Variants in ERCC5 observed in about 807,000 individuals in gnomAD.
ERCC5 encodes the protein ERCC excision repair 5, endonuclease.
In ERCC5, 68 loss-of-function variants were observed where a neutral mutation model predicts 105.6. That is an observed-to-expected ratio of 0.64 (90% CI 0.53 to 0.79). The LOEUF is 0.79. Ranked by LOEUF, ERCC5 falls within the 30% of genes least tolerant of loss-of-function variation. The pLI, the probability that ERCC5 is intolerant of heterozygous loss-of-function variation, is 0.00. For missense variants in ERCC5, 1,373 were observed against 1,426.7 expected, an observed-to-expected ratio of 0.96 and a Z score of 0.61; for synonymous variants, 546 against 526.2, an observed-to-expected ratio of 1.04 and a Z score of -0.51.
chr13:102,862,038 G>A lies in ERCC5; in HGVS notation c.889G>A (p.Ala297Thr), dbSNP rs771815520. Residue 297 changes from alanine (A) to threonine (T), a missense_variant, in exon 8 of 15, where the codon GCT becomes ACT. Physicochemically the swap from Ala to Thr is moderately conservative, Grantham distance 58. Transcript: ENST00000652225. ...TTTTAATTCTTCTTAAGGTATTCAAGCTAAGACAGTTGCAGAAGTGGATTC... is the reference window on the plus strand; with the variant it reads ...TTTTAATTCTTCTTAAGGTATTCAAACTAAGACAGTTGCAGAAGTGGATTC... ...SHYILIKGIQAKTVAEVDSES... is the reference protein window; with the variant it reads ...SHYILIKGIQTKTVAEVDSES... 6.2e-7 allele frequency: 1 copy of A among 1,614,222 alleles called. No individual in the cohort carries two copies. The highest frequency in any genetic ancestry group is 1.7e-5 in the Admixed American group (1 of 60,034).
chr13:102,849,991 G>C (rs1026887425), intron 1 of ERCC5, among the ~76,000 whole-genome samples: 32 of 150,990 alleles, frequency 2.1e-4, no homozygotes, highest in African/African-American at 7.1e-4. Context: ...ACGCAGGCTC[G>C]AGTGCAGTGG....
rs774302762 is a variant in ERCC5, at chr13:102,863,027, T to C, written c.1878T>C (p.Ser626=). ...TCCAAGAACAGCAGACCACTGAATC[T>C]GCAGGCCAGGATTTAATTTCCATTC... ...ETIQEQQTTE[S]AGQDLISIPK... The change falls in exon 8 of 15, where the codon TCT becomes TCC. Residue 626 remains serine (S), a synonymous_variant. Coordinates refer to ENST00000652225, the MANE Select transcript of ERCC5 (RefSeq NM_000123.4). The C allele has an allele frequency of 3.7e-6, 6 of 1,614,192 alleles. No individual in the cohort carries two copies. Among genetic ancestry groups the C allele is most frequent in the Non-Finnish European group, 5.1e-6 (6 of 1,180,024 alleles).
rs1350885918 is a variant in ERCC5 at position 102,865,378 on chromosome 13, G to C, written c.1955-289G>C. The C allele has an allele frequency of 2.7e-6, 1 of 377,042 alleles. No individual in the cohort carries two copies. Among genetic ancestry groups the C allele is most frequent in the Non-Finnish European group, 5.0e-6 (1 of 199,048 alleles). The allele number at this position is 377,042 out of a possible 1,614,324, so 23.4% of individuals were successfully genotyped here. A position where few individuals can be genotyped will look rare whatever the true frequency, so the allele number is the denominator to read the frequency against. ...TTTTTGAATTTTTAAAACAATGTCA[G>C]TTAACTTAGAACATATTTATATAAA... On this transcript the variant is annotated intron_variant, in intron 8 of 14. Transcript: ENST00000652225. The surrounding 1 kb of genome is among the most constrained non-coding windows in gnomAD (Gnocchi z 4.0).
At chr13:102,861,384 A>G in intron 6 of ERCC5, 123 bp from the exon 7 acceptor site, 1 of 997,398 alleles carries the variant, frequency 1.0e-6, no homozygotes, top group Non-Finnish European at 1.5e-6. Flanking sequence ...TTATAATATG[A>G]AACTACCATC....
intron 6 of ERCC5, chr13:102,858,942 G>A: frequency 2.2e-6 from 1 of 456,072 alleles, no homozygotes; most frequent in South Asian, 1.5e-5. Flanking sequence ...CCCTAGAGAT[G>A]CCATTGGCTC....
At chr13:102,866,102 C>G (rs1882824998) in intron 9 of ERCC5, 160 bp from the exon 10 acceptor site, 1 of 1,452,092 alleles carries the variant, frequency 6.9e-7, no homozygotes, top group Admixed American at 1.8e-5. Flanking sequence ...AGTGATGAAT[C>G]TCTAAAGATA....
At chr13:102,872,444 G>T in intron 13 of ERCC5, 46 bp downstream of exon 13, 3 of 1,606,868 alleles carry the variant, frequency 1.9e-6, no homozygotes, top group Non-Finnish European at 2.6e-6. Flanking sequence ...TGTCAAATAT[G>T]TGTTTGGTTT....
intron 1 of ERCC5, among the ~76,000 whole-genome samples, chr13:102,851,320 G>C (rs918928335): frequency 6.6e-6 from 1 of 152,062 alleles, no homozygotes; most frequent in Non-Finnish European, 1.5e-5. Context: ...TTTTGAGACG[G>C]AGTCTTGCTC....
At chr13:102,858,138 A>G in intron 5 of ERCC5, 137 bp from the exon 6 acceptor site, 4 of 1,232,656 alleles carry the variant, frequency 3.2e-6, no homozygotes, top group Non-Finnish European at 4.6e-6. Context: ...GTCACAGATT[A>G]TATGCAACTG....
intron 1 of ERCC5, 87 bp from the exon 2 acceptor site, chr13:102,852,031 G>A (rs4150264): frequency 1.9e-5 from 27 of 1,446,626 alleles, no homozygotes; most frequent in African/African-American, 1.3e-4. Flanking sequence ...AGTGTTCAAC[G>A]TTTGGATAAT....
intron 14 of ERCC5, among the ~76,000 whole-genome samples, chr13:102,874,449 G>A (rs1235236089): frequency 6.6e-6 from 1 of 152,240 alleles, no homozygotes; most frequent in African/African-American, 2.4e-5. Flanking sequence ...AATTAGTTCA[G>A]TTTACTTGTT....
rs577494961 is a variant in ERCC5, at chr13:102,859,097, C to T, written c.672+679C>T. Among the ~76,000 whole-genome samples the T allele has an allele frequency of 7.2e-5, 11 of 152,238 alleles. No individual in the cohort carries two copies. In the South Asian group the frequency reaches 2.1e-3, roughly 29 times the overall value. ...GCAAATGTGTCTCCTGATCATGCTG[C>T]CATTGATACTTAATTCATGTTACTA... On this transcript the variant is annotated intron_variant, in intron 6 of 14. Coordinates refer to ENST00000652225, the MANE Select transcript of ERCC5 (RefSeq NM_000123.4).
intron 5 of ERCC5, among the ~76,000 whole-genome samples, 154 bp downstream of exon 5, chr13:102,856,266 A>G (rs1358301529): frequency 6.8e-6 from 1 of 146,942 alleles, no homozygotes; most frequent in Non-Finnish European, 1.5e-5. Flanking sequence ...GTGTACATGT[A>G]TGTATTTAAA....
Position 102,872,249 on chromosome 13 carries a change from TG to T in ERCC5, c.2731del (p.Asp911ThrfsTer4). ...KNPKIRPNPHDTKVKKKLRTL... is the reference protein window; with the variant it reads ...KNPKIRPNPHXTKVKKKLRTL... ...ATCCAAAGATAAGACCTAATCCTCA[TG>T]ACACCAAAGTGAAAAAAAAATTACG... On this transcript the variant is annotated frameshift_variant, in exon 13 of 15. Transcript: ENST00000652225. LOFTEE classifies it high-confidence loss of function. 1 of 1,614,084 alleles carries T rather than the reference TG, an allele frequency of 6.2e-7. No homozygotes were observed. The highest frequency in any genetic ancestry group is 1.1e-5 in the South Asian group (1 of 91,076).
At chr13:102,870,245 G>C (rs1201052097) in intron 12 of ERCC5, among the ~76,000 whole-genome samples, 4 of 152,194 alleles carry the variant, frequency 2.6e-5, no homozygotes, top group Admixed American at 2.6e-4. Flanking sequence ...TTTTCAATTG[G>C]CTACCAACAT....
rs376962813 is a variant in ERCC5, at chr13:102,846,244, C to A, written c.-23C>A. The A allele has an allele frequency of 1.9e-6, 3 of 1,603,764 alleles. No individual in the cohort carries two copies. The highest frequency in any genetic ancestry group is 1.3e-5 in the African/African-American group (1 of 74,782). On this transcript the variant is annotated 5_prime_UTR_variant, in exon 1 of 15. Coordinates refer to ENST00000652225, the MANE Select transcript of ERCC5 (RefSeq NM_000123.4). Reference sequence around the variant, plus strand: ...AATTAGAGTAGAAGTTGTCGGGGTCCGCTCTTAGGACGCAGCCGCCTCATG... The same window carrying A: ...AATTAGAGTAGAAGTTGTCGGGGTCAGCTCTTAGGACGCAGCCGCCTCATG...
Position 102,875,514 on chromosome 13 carries a change from A to G in ERCC5, c.3172A>G (p.Arg1058Gly), listed in dbSNP as rs1883187677. Reference protein sequence around the residue: ...LDKAKGKTQKRGITNTLEESS... With the variant: ...LDKAKGKTQKGGITNTLEESS... Reference sequence around the variant, plus strand: ...TAAGGCAAAAGGAAAAACCCAGAAGAGAGGCATAACAAATACCTTAGAAGA... The same window carrying G: ...TAAGGCAAAAGGAAAAACCCAGAAGGGAGGCATAACAAATACCTTAGAAGA... The change falls in exon 15 of 15, where the codon AGA (arginine) becomes GGA (glycine). Residue 1058 changes from arginine (R) to glycine (G), a missense_variant. Arg to Gly is a moderately radical substitution (Grantham distance 125). Transcript: ENST00000652225. 8 of 1,614,022 alleles carry G rather than the reference A, an allele frequency of 5.0e-6. No individual in the cohort carries two copies. Among genetic ancestry groups the G allele is most frequent in the Non-Finnish European group, 6.8e-6 (8 of 1,179,970 alleles).
Position 102,875,389 on chromosome 13 carries a change from A to G in ERCC5, c.3047A>G (p.Asn1016Ser). 6.2e-7 allele frequency: 1 copy of G among 1,614,128 alleles called. No individual in the cohort carries two copies. Among genetic ancestry groups the G allele is most frequent in the Non-Finnish European group, 8.5e-7 (1 of 1,180,022 alleles). ...DAKRIKSQRLNRAVTCMLRKE... is the reference protein window; with the variant it reads ...DAKRIKSQRLSRAVTCMLRKE... ...AAACGTATTAAGAGCCAGAGACTAA[A>G]CAGAGCTGTGACATGTATGCTAAGG... The change falls in exon 15 of 15, where the codon AAC becomes AGC. Residue 1016 changes from asparagine to serine, a missense_variant. Asn to Ser is a conservative substitution (Grantham distance 46). Transcript: ENST00000652225.
rs1882235429 is a variant in ERCC5, at chr13:102,852,284, A to G, written c.255A>G (p.Lys85=). ...VFDGDAPLLK[K]QTLVKRRQRK... is the part of the protein sequence containing the mutation. ...ATGGGGATGCTCCACTATTGAAGAA[A>G]CAGACTTTGGTAAGTGTCGTATAGT... Residue 85 remains lysine, a synonymous_variant, in exon 2 of 15, where the codon AAA becomes AAG. Coordinates refer to ENST00000652225, the MANE Select transcript of ERCC5 (RefSeq NM_000123.4). 1 of 1,614,144 alleles carries G rather than the reference A, an allele frequency of 6.2e-7. No homozygotes were observed. The highest frequency in any genetic ancestry group is 8.5e-7 in the Non-Finnish European group (1 of 1,180,026).
Sources: allele counts gnomAD v4.1 joint callset (sites outside exome capture counted in the v4.1 genomes callset), GRCh38; gene constraint gnomAD v4.1.1; non-coding constraint Gnocchi (gnomAD v3.1); transcripts MANE v1.5; gene names NCBI Gene and HGNC (gene_info 2026-07-23, HGNC 2026-07-21).